The following PPFIBP1 variants were observed in gnomAD, a reference collection of about 807,000 sequenced individuals.
PPFIBP1 encodes liprin-beta-1.
A neutral mutation model predicts 137.8 loss-of-function variants in PPFIBP1; 112 were observed. The observed-to-expected ratio is 0.81, with a 90% confidence interval of 0.70 to 0.95. The LOEUF (loss-of-function observed/expected upper bound fraction) is 0.95, where lower values mean the gene tolerates loss of function less well. Ranked by LOEUF, PPFIBP1 falls within the 40% of genes least tolerant of loss-of-function variation. The pLI is 0.00. For synonymous variants in PPFIBP1, 378 were observed against 417.3 expected (o/e 0.91, Z 1.15); for missense variants, 1,083 against 1,196.6 (o/e 0.91, Z 1.40).
intron 2 of PPFIBP1, among the ~76,000 whole-genome samples, chr12:27,595,322 T>C (rs1277054807): frequency 6.6e-6 from 1 of 152,128 alleles, no homozygotes; most frequent in Non-Finnish European, 1.5e-5. Context: ...CACACCCTGC[T>C]CTGGTGGCTG....
In PPFIBP1 at chr12:27,677,057, T is replaced by C; in HGVS notation, c.1583-7T>C. ...TGTGATTGTGTGCGTTGTTGGGATA[T>C]CTGAAGATCGTAAACGAAGTGCCAG... On this transcript the variant is annotated splice_polypyrimidine_tract_variant and splice_region_variant and intron_variant, in intron 18 of 29. Transcript: ENST00000228425. The C allele has an allele frequency of 6.2e-7, 1 of 1,614,212 alleles. No homozygotes were observed.
chr12:27,693,683 A>G lies in PPFIBP1; in HGVS notation c.*801A>G, dbSNP rs983697571. 1.3e-5 allele frequency: 2 copies of G among 152,096 alleles called. No homozygotes were observed. The highest frequency in any genetic ancestry group is 2.9e-5 in the Non-Finnish European group (2 of 68,022). The allele number at this position is 152,096 out of a possible 1,614,324, so 9.4% of individuals were successfully genotyped here. ...CCTCATATGGAAGAACTTGAGGGAC[A>G]TTAGTATACTTTTTTTTAAGATGGA... On this transcript the variant is annotated 3_prime_UTR_variant, in exon 30 of 30. Coordinates refer to ENST00000228425, the MANE Select transcript of PPFIBP1 (RefSeq NM_003622.4).
intron 13 of PPFIBP1, among the ~76,000 whole-genome samples, chr12:27,668,831 AT>A (rs895586584): frequency 2.6e-5 from 4 of 151,020 alleles, no homozygotes; most frequent in East Asian, 1.9e-4. Context: ...TTCCTAAGGT[AT>A]TTTTTTTTCT....
At chr12:27,595,937 A>G (rs1043234613) in intron 2 of PPFIBP1, among the ~76,000 whole-genome samples, 8 of 149,978 alleles carry the variant, frequency 5.3e-5, no homozygotes, top group African/African-American at 2.0e-4. Context: ...TGCCCATACC[A>G]TCCCGGATTG....
intron 1 of PPFIBP1, among the ~76,000 whole-genome samples, chr12:27,545,865 A>G (rs1328127201): frequency 6.6e-6 from 1 of 152,216 alleles, no homozygotes; most frequent in Non-Finnish European, 1.5e-5. Flanking sequence ...CTCTCAGTGT[A>G]TGCGACTGAG....
At chr12:27,621,969 A>G (rs559639564) in intron 2 of PPFIBP1, among the ~76,000 whole-genome samples, 4 of 152,236 alleles carry the variant, frequency 2.6e-5, no homozygotes, top group Non-Finnish European at 5.9e-5. Context: ...TAGACATATA[A>G]GCAGTCCAAC....
chr12:27,586,085 T>C (rs985444349), intron 2 of PPFIBP1, among the ~76,000 whole-genome samples: 2 of 152,218 alleles, frequency 1.3e-5, no homozygotes, highest in Non-Finnish European at 2.9e-5. Flanking sequence ...GCACTTGTTA[T>C]GTGCCAGGTA....
At chr12:27,634,139 C>CTTTTT (rs375816732) in intron 3 of PPFIBP1, among the ~76,000 whole-genome samples, 13 of 111,628 alleles carry the variant, frequency 1.2e-4, no homozygotes, top group African/African-American at 4.4e-4. Context: ...CCGGCCATAT[C>CTTTTT]TTTTTTTTTT....
chr12:27,667,362 T>C (rs1206130813), intron 13 of PPFIBP1, 42 bp downstream of exon 13: 3 of 1,490,426 alleles, frequency 2.0e-6, no homozygotes, highest in Admixed American at 2.2e-5. Flanking sequence ...TTGAAGAGAC[T>C]GTGTTACTGA....
intron 11 of PPFIBP1, among the ~76,000 whole-genome samples, chr12:27,661,403 T>C (rs1275932564): frequency 2.0e-5 from 3 of 152,226 alleles, no homozygotes; most frequent in Non-Finnish European, 4.4e-5. Context: ...TCCCGAGAGA[T>C]TAAATACCAG....
At position 27,654,763 on chromosome 12, in the gene PPFIBP1, T is replaced by C. The variant is rs1469893088; in HGVS notation, c.645T>C (p.Ser215=). ...QEINDLRLKV[S]EMDSERLQYE... ...TCAATGATTTGAGGTTAAAAGTTAG[T>C]GAAATGGACAGTGAGAGACTTCAGT... is the stretch of plus-strand genomic sequence containing the variant. Residue 215 remains serine, a synonymous_variant, in exon 8 of 30, where the codon AGT becomes AGC. Coordinates refer to ENST00000228425, the MANE Select transcript of PPFIBP1 (RefSeq NM_003622.4). The C allele has an allele frequency of 1.2e-6, 2 of 1,611,836 alleles. No homozygotes were observed. The highest frequency in any genetic ancestry group is 3.3e-5 in the Admixed American group (2 of 59,902).
At chr12:27,555,587 T>C (rs569011826) in intron 1 of PPFIBP1, among the ~76,000 whole-genome samples, 13 of 152,350 alleles carry the variant, frequency 8.5e-5, no homozygotes, top group South Asian at 2.1e-4. Flanking sequence ...AAATCATAAA[T>C]CATGATTGAA....
intron 1 of PPFIBP1, among the ~76,000 whole-genome samples, chr12:27,536,229 C>T (rs1177358375): frequency 2.0e-5 from 3 of 152,166 alleles, no homozygotes; most frequent in African/African-American, 7.2e-5. Flanking sequence ...ATTGGGAAAA[C>T]TGTGTGAATA....
intron 7 of PPFIBP1, among the ~76,000 whole-genome samples, chr12:27,651,020 GT>G (rs987416720): frequency 7.2e-5 from 11 of 152,034 alleles, no homozygotes; most frequent in Admixed American, 5.9e-4. Context: ...AGAGAAAATG[GT>G]TTACTTATTT....
intron 1 of PPFIBP1, among the ~76,000 whole-genome samples, chr12:27,540,566 A>G (rs1470091121): frequency 6.6e-6 from 1 of 151,984 alleles, no homozygotes; most frequent in Non-Finnish European, 1.5e-5. Context: ...TGCATTCAGT[A>G]TTTTCTGTAT....
rs2053978623 is a variant in PPFIBP1, at chr12:27,601,465, T to C, written c.-36+23226T>C. 2.6e-5 allele frequency among the ~76,000 whole-genome samples: 4 copies of C among 152,170 alleles called. No individual in the cohort carries two copies. The South Asian group carries it at 8.3e-4, about 32-fold the overall frequency. ...GGGGGCAGGTGGTGAAAATAGAGTG[T>C]TTTGGTGTACACAAGGTTAAACTGC... On this transcript the variant is annotated intron_variant, in intron 2 of 29. Coordinates refer to ENST00000228425, the MANE Select transcript of PPFIBP1 (RefSeq NM_003622.4).
At chr12:27,626,015 G>A (rs147308094) in intron 2 of PPFIBP1, among the ~76,000 whole-genome samples, 3 of 152,114 alleles carry the variant, frequency 2.0e-5, no homozygotes, top group Non-Finnish European at 4.4e-5. Context: ...ATTAGATATC[G>A]CCCCTGCTGC....
chr12:27,656,339 T>C (rs1166155826), intron 8 of PPFIBP1, among the ~76,000 whole-genome samples: 1 of 152,256 alleles, frequency 6.6e-6, no homozygotes, highest in Non-Finnish European at 1.5e-5. Context: ...ACCTTAGGGC[T>C]ATCCCATCCC....
chr12:27,613,695 T>C (rs1592857148), intron 2 of PPFIBP1, among the ~76,000 whole-genome samples: 1 of 129,796 alleles, frequency 7.7e-6, no homozygotes, highest in Non-Finnish European at 1.6e-5. Flanking sequence ...AGAGCAAGAC[T>C]CCATCTCAAA....
Sources: allele counts gnomAD v4.1 joint callset (sites outside exome capture counted in the v4.1 genomes callset), GRCh38; gene constraint gnomAD v4.1.1; transcripts MANE v1.5; gene names NCBI Gene and HGNC (gene_info 2026-07-23, HGNC 2026-07-21).